SPTLC2: variants seen among roughly 807,000 people sequenced by gnomAD.
SPTLC2 encodes serine palmitoyltransferase long chain base subunit 2.
In SPTLC2, 21 loss-of-function variants were observed where a neutral mutation model predicts 62.0. That is an observed-to-expected ratio of 0.34 (90% CI 0.24 to 0.49). SPTLC2 has a LOEUF of 0.49. Ranked by LOEUF, SPTLC2 falls within the 20% of genes least tolerant of loss-of-function variation. The probability of loss-of-function intolerance (pLI) is 0.99; values close to 1 mark genes in which losing one functional copy is unlikely to be tolerated. For missense variants in SPTLC2, 511 were observed against 713.0 expected (o/e 0.72, Z 3.23); for synonymous variants, 261 against 261.8 (o/e 1.00, Z 0.03).
intron 1 of SPTLC2, among the ~76,000 whole-genome samples, chr14:77,601,438 A>G (rs374223468): frequency 1.3e-5 from 2 of 152,160 alleles, no homozygotes; most frequent in East Asian, 3.8e-4. Flanking sequence ...CCCAAAACCT[A>G]TAAGAACTAA....
rs139717053 is a variant in SPTLC2, at chr14:77,596,626, T to C, written c.327+560A>G. On this transcript the variant is annotated intron_variant, in intron 2 of 11. Coordinates refer to ENST00000216484, the MANE Select transcript of SPTLC2 (RefSeq NM_004863.4). The stretch of plus-strand genomic sequence containing the variant: ...GACAACCATGCTCATATGTTTGCCA[T>C]TCCTAAAACAAGAGTGTTGTTTACC... Among the ~76,000 whole-genome samples the C allele has an allele frequency of 4.5e-3, 689 of 152,330 alleles. 7 individuals carry two copies. The highest frequency in any genetic ancestry group is 0.022 in the South Asian group (105 of 4,830).
intron 9 of SPTLC2, among the ~76,000 whole-genome samples, chr14:77,541,156 G>A (rs1312621630): frequency 6.6e-6 from 1 of 152,050 alleles, no homozygotes; most frequent in Non-Finnish European, 1.5e-5. Flanking sequence ...AGCACCTCAA[G>A]TAGCTGGGAC....
Position 77,510,374 on chromosome 14 carries a change from T to C in SPTLC2, c.*1910A>G, listed in dbSNP as rs1264146519. Reference sequence around the variant, plus strand: ...TGCTTACATCCTCTGCTATACGTAATGTGCACAAACATATCACAGCTGATG... The same window carrying C: ...TGCTTACATCCTCTGCTATACGTAACGTGCACAAACATATCACAGCTGATG... On this transcript the variant is annotated 3_prime_UTR_variant, in exon 12 of 12. Transcript: ENST00000216484. 1 of 156,476 alleles carries C rather than the reference T, an allele frequency of 6.4e-6. No individual in the cohort carries two copies. Among genetic ancestry groups the C allele is most frequent in the African/African-American group, 2.4e-5 (1 of 41,656 alleles). 9.7% of individuals were successfully genotyped at this position (156,476 alleles called of 1,614,324 possible).
At chr14:77,521,314 T>C (rs1566767560) in intron 10 of SPTLC2, 132 bp downstream of exon 10, 11 of 1,111,788 alleles carry the variant, frequency 9.9e-6, no homozygotes, top group Non-Finnish European at 1.5e-5. Context: ...ATTTGATCTA[T>C]GGCATATGTA....
At chr14:77,562,564 A>C (rs1386931610) in intron 5 of SPTLC2, 75 bp from the exon 6 acceptor site, 6 of 1,114,742 alleles carry the variant, frequency 5.4e-6, no homozygotes, top group Non-Finnish European at 8.2e-6. Flanking sequence ...AAAATGCCAC[A>C]AACACTAATA....
At chr14:77,533,667 T>A (rs2079452857) in intron 9 of SPTLC2, among the ~76,000 whole-genome samples, 1 of 152,214 alleles carries the variant, frequency 6.6e-6, no homozygotes, top group Admixed American at 6.5e-5. Flanking sequence ...CAGTAAGAAC[T>A]GCTGGGATTC....
intron 9 of SPTLC2, among the ~76,000 whole-genome samples, chr14:77,527,441 A>AATATC (rs1810212249): frequency 5.3e-5 from 8 of 152,172 alleles, no homozygotes; most frequent in Admixed American, 4.6e-4. Flanking sequence ...CTACCTACTG[A>AATATC]TAACCACTAG....
chr14:77,576,637 C>T, intron 4 of SPTLC2, 130 bp downstream of exon 4: 1 of 1,138,324 alleles, frequency 8.8e-7, no homozygotes, highest in Non-Finnish European at 1.3e-6. Flanking sequence ...AAAAACAAAG[C>T]ATTCTTCACC....
At chr14:77,612,356 G>A (rs145744444) in intron 1 of SPTLC2, among the ~76,000 whole-genome samples, 109 of 152,312 alleles carry the variant, frequency 7.2e-4, no homozygotes, top group African/African-American at 2.5e-3. Context: ...ACTATCTTAA[G>A]AACATAGCTG....
chr14:77,581,876 T>C (rs1030060602), intron 2 of SPTLC2, among the ~76,000 whole-genome samples: 1 of 152,172 alleles, frequency 6.6e-6, no homozygotes, highest in East Asian at 1.9e-4. Flanking sequence ...AATAGAGATA[T>C]CCAATTCTAA....
At chr14:77,538,661 C>T (rs146864702) in intron 9 of SPTLC2, among the ~76,000 whole-genome samples, 1 of 152,240 alleles carries the variant, frequency 6.6e-6, no homozygotes, top group East Asian at 1.9e-4. Context: ...ACCTCTGCCT[C>T]CCGGGTTCAA....
At chr14:77,557,234 A>C (rs1045142652) in intron 6 of SPTLC2, 88 bp from the exon 7 acceptor site, 1 of 1,201,952 alleles carries the variant, frequency 8.3e-7, no homozygotes, top group Non-Finnish European at 1.2e-6. Context: ...TCTCATTCAG[A>C]AACCATGCCT....
At chr14:77,558,050 TC>T (rs1414586544) in intron 6 of SPTLC2, among the ~76,000 whole-genome samples, 3 of 115,892 alleles carry the variant, frequency 2.6e-5, no homozygotes, top group Non-Finnish European at 5.7e-5. Context: ...TATCATAAAA[TC>T]TTTTTTTTTT....
chr14:77,591,169 C>T (rs765799389), intron 2 of SPTLC2, among the ~76,000 whole-genome samples: 7 of 152,202 alleles, frequency 4.6e-5, no homozygotes, highest in Admixed American at 2.0e-4. Flanking sequence ...CATGCTACAA[C>T]ATGAACTTCA....
intron 1 of SPTLC2, among the ~76,000 whole-genome samples, chr14:77,614,089 T>C (rs1318989499): frequency 6.6e-6 from 1 of 152,196 alleles, no homozygotes; most frequent in African/African-American, 2.4e-5. Flanking sequence ...CCAATGTGCC[T>C]TGAGTGAAAC....
intron 1 of SPTLC2, among the ~76,000 whole-genome samples, chr14:77,608,784 T>C (rs1288829924): frequency 6.6e-6 from 1 of 151,940 alleles, no homozygotes; most frequent in Non-Finnish European, 1.5e-5. Context: ...CCAGGCGTGG[T>C]AGGTCACGCC....
chr14:77,512,284 T>C lies in SPTLC2; in HGVS notation c.1689A>G (p.Ter563TrpextTer50), dbSNP rs1477190243. Residue 563 changes from the stop codon to tryptophan (W), a stop_lost, in exon 12 of 12, where the codon TGA (stop) becomes TGG (tryptophan). Coordinates refer to ENST00000216484, the MANE Select transcript of SPTLC2 (RefSeq NM_004863.4). ...TCCTCTGAGGGAGCACCAAAAAGGC[T>C]CAGTCTTCTGTTTCTTCATACGTCG... ...DETTYEETED[*>W] is the part of the protein sequence containing the mutation. 1 of 1,613,816 alleles carries C rather than the reference T, an allele frequency of 6.2e-7. No individual in the cohort carries two copies. The highest frequency in any genetic ancestry group is 8.5e-7 in the Non-Finnish European group (1 of 1,180,010).
chr14:77,539,273 G>T (rs2079486516), intron 9 of SPTLC2, among the ~76,000 whole-genome samples: 1 of 151,662 alleles, frequency 6.6e-6, no homozygotes, highest in South Asian at 2.1e-4. Flanking sequence ...CTTCTAGGGA[G>T]ATATTAAAGA....
At position 77,506,690 on chromosome 14, in the gene SPTLC2, A is replaced by G. The variant is rs1458152367; in HGVS notation, c.*5594T>C. The G allele has an allele frequency of 1.3e-5, 2 of 152,280 alleles. No homozygotes were observed. The highest frequency in any genetic ancestry group is 2.9e-5 in the Non-Finnish European group (2 of 68,078). The allele number at this position is 152,280 out of a possible 1,614,324, so 9.4% of individuals were successfully genotyped here. A position where few individuals can be genotyped will look rare whatever the true frequency, so the allele number is the denominator to read the frequency against. On this transcript the variant is annotated 3_prime_UTR_variant, in exon 12 of 12. Transcript: ENST00000216484. ...CTGGGCCAAATGACCAAGCTTTGCA[A>G]AAGAAACCTGGGAAGAGCGTTGGAA...
Sources: gnomAD v4.1 joint callset for allele counts (sites outside exome capture counted in the v4.1 genomes callset) on GRCh38, gnomAD v4.1.1 for gene constraint, MANE v1.5 for transcripts, NCBI Gene and HGNC (gene_info 2026-07-23, HGNC 2026-07-21) for gene names.